The following CAMSAP3 variants were observed in gnomAD, a reference collection of about 807,000 sequenced individuals.
CAMSAP3 encodes the protein calmodulin regulated spectrin associated protein family member 3.
Under a neutral mutation model 112.5 loss-of-function variants are expected in CAMSAP3, and 34 were observed. The observed-to-expected ratio is 0.30, with a 90% CI of 0.23 to 0.40. The LOEUF (loss-of-function observed/expected upper bound fraction) is 0.40. Among genes scored for constraint, CAMSAP3 ranks in the 10% least tolerant of loss-of-function variants. The pLI, the probability that CAMSAP3 is intolerant of heterozygous loss-of-function variation, is 1.00. For missense variants in CAMSAP3, 1,602 were observed against 1,770.3 expected, an observed-to-expected ratio of 0.90 and a Z score of 1.71; for synonymous variants, 868 against 799.8, an observed-to-expected ratio of 1.09 and a Z score of -1.44.
rs2030230145 is a variant in CAMSAP3, at chr19:7,606,491, CAGG to C, written c.544_546del (p.Glu182del). 1 of 1,582,020 alleles carries C rather than the reference CAGG, an allele frequency of 6.3e-7. No individual in the cohort carries two copies. The highest frequency in any genetic ancestry group is 8.5e-7 in the Non-Finnish European group (1 of 1,171,012). ...TGCCCTCCAGACCGTCCGGCGGCTG[CAGG>C]AGAAGACCGAGCAGGAAGCGGCCCA... On this transcript the variant is annotated inframe_deletion, in exon 4 of 17. Coordinates refer to ENST00000160298, the MANE Select transcript of CAMSAP3 (RefSeq NM_020902.2).
Position 7,599,344 on chromosome 19 carries a change from TCATCCATCCACC to T in CAMSAP3, c.148+3209_148+3220del, listed in dbSNP as rs1160872185. Among the ~76,000 whole-genome samples, 64 of 72,850 alleles carry T rather than the reference TCATCCATCCACC, an allele frequency of 8.8e-4. 1 individual carries two copies. The highest frequency in any genetic ancestry group is 3.1e-3 in the African/African-American group (56 of 18,118). 47.8% of individuals were successfully genotyped at this position (72,850 alleles called of 152,430 possible). A position where few individuals can be genotyped will look rare whatever the true frequency, so the allele number is the denominator to read the frequency against. On this transcript the variant is annotated intron_variant, in intron 1 of 16. Transcript: ENST00000160298. ...CCCACTCATCCATCCACCCACGCACTCATCCATCCACCCATCCATCCACCCACTCATCCATCC... is the reference window on the plus strand; with the variant it reads ...CCCACTCATCCATCCACCCACGCACTCATCCATCCACCCACTCATCCATCC...
In CAMSAP3 at chr19:7,612,261, C is replaced by G; in HGVS notation, c.1768C>G (p.Pro590Ala). Reference sequence around the variant, plus strand: ...CGGAGCGGGGTCCCCCACGTCCACTCCGGCCCCGCCGGAGGCCCTGAGCTC... The same window carrying G: ...CGGAGCGGGGTCCCCCACGTCCACTGCGGCCCCGCCGGAGGCCCTGAGCTC... ...EAGAGSPTST[P>A]APPEALSSEM... Residue 590 changes from proline to alanine, a missense_variant, in exon 11 of 17, where the codon CCG becomes GCG. Pro to Ala is a conservative substitution (Grantham distance 27). Coordinates refer to ENST00000160298, the MANE Select transcript of CAMSAP3 (RefSeq NM_020902.2). 6.3e-7 allele frequency: 1 copy of G among 1,590,868 alleles called. No homozygotes were observed. Among genetic ancestry groups the G allele is most frequent in the African/African-American group, 1.3e-5 (1 of 74,514 alleles).
chr19:7,601,733 A>AAAAT (rs1239645438), intron 1 of CAMSAP3, among the ~76,000 whole-genome samples: 69 of 150,224 alleles, frequency 4.6e-4, no homozygotes, highest in African/African-American at 1.7e-3. Flanking sequence ...AAAATAAAAT[A>AAAAT]AAATAAAATA....
At chr19:7,605,889 T>C (rs957701882) in intron 2 of CAMSAP3, among the ~76,000 whole-genome samples, 1 of 150,532 alleles carries the variant, frequency 6.6e-6, no homozygotes, top group Non-Finnish European at 1.5e-5. Flanking sequence ...CCTCAAGCTC[T>C]GTTCATTAAG....
At position 7,596,167 on chromosome 19, in the gene CAMSAP3, G is replaced by T; in HGVS notation, c.148+17G>T. 1.2e-6 allele frequency: 1 copy of T among 844,362 alleles called. No homozygotes were observed. The allele number at this position is 844,362 out of a possible 1,614,324, so 52.3% of individuals were successfully genotyped here. A position where few individuals can be genotyped will look rare whatever the true frequency, so the allele number is the denominator to read the frequency against. On this transcript the variant is annotated intron_variant, in intron 1 of 16. Coordinates refer to ENST00000160298, the MANE Select transcript of CAMSAP3 (RefSeq NM_020902.2). ...GGGGCGCAGGTACCGGGGCTCGGGG[G>T]ACCGGGGTCGGGGGCGGCGGGCCGG...
Position 7,611,820 on chromosome 19 carries a change from G to T in CAMSAP3, c.1327G>T (p.Ala443Ser), listed in dbSNP as rs1182453955. 4 of 1,589,780 alleles carry T rather than the reference G, an allele frequency of 2.5e-6. No individual in the cohort carries two copies. Among genetic ancestry groups the T allele is most frequent in the Non-Finnish European group, 3.4e-6 (4 of 1,168,604 alleles). The change falls in exon 11 of 17, where the codon GCC (alanine) becomes TCC (serine). Residue 443 changes from alanine (A) to serine (S), a missense_variant. Around this residue, in one of 6 missense-constraint regions of CAMSAP3, gnomAD observed 1,100 missense variants for 1,135.7 expected, o/e 0.97. Transcript: ENST00000160298. This position sits in a 1 kb window ranked among gnomAD's most constrained non-coding sequence, Gnocchi z 6.9. Reference sequence around the variant, plus strand: ...CCTGGGCCCCCCGCGTCCCGCGCCGGCCAGGACCCCCACCCAGCCACCCCC... The same window carrying T: ...CCTGGGCCCCCCGCGTCCCGCGCCGTCCAGGACCCCCACCCAGCCACCCCC... ...DSLGPPRPAP[A>S]RTPTQPPPEP... is the part of the protein sequence containing the mutation.
intron 11 of CAMSAP3, among the ~76,000 whole-genome samples, chr19:7,614,284 G>A (rs2030662227): frequency 5.1e-4 from 55 of 108,150 alleles, no homozygotes; most frequent in Non-Finnish European, 8.6e-4. Context: ...AAAAAAAAAA[G>A]TGAGCACAGC....
intron 11 of CAMSAP3, 119 bp downstream of exon 11, chr19:7,613,282 C>A: frequency 2.7e-5 from 1 of 37,056 alleles, no homozygotes; most frequent in African/African-American, 7.1e-4. Context: ...GATGGGTGGG[C>A]GGGTGGGGGA....
chr19:7,612,572 C>T lies in CAMSAP3; in HGVS notation c.2079C>T (p.His693=), dbSNP rs778095328. The change falls in exon 11 of 17, where the codon CAC becomes CAT. Residue 693 remains histidine (H), a synonymous_variant. Coordinates refer to ENST00000160298, the MANE Select transcript of CAMSAP3 (RefSeq NM_020902.2). ...CGCCAGACCTGGGCCCGGTGCCCCA[C>T]GAGGGGCTGGGGGAATACAATCGAG... ...TFSPDLGPVP[H]EGLGEYNRAV... The T allele has an allele frequency of 1.8e-5, 28 of 1,534,618 alleles. No individual in the cohort carries two copies. The highest frequency in any genetic ancestry group is 2.3e-5 in the Non-Finnish European group (26 of 1,145,330).
Position 7,607,023 on chromosome 19 carries a change from C to G in CAMSAP3, c.621+452C>G, listed in dbSNP as rs1320454744. On this transcript the variant is annotated intron_variant, in intron 4 of 16. Transcript: ENST00000160298. The surrounding 1 kb of genome is among the most constrained non-coding windows in gnomAD (Gnocchi z 4.9). The stretch of plus-strand genomic sequence containing the variant: ...GGCCATTAACTGAGAGGGCAGACCC[C>G]TCCCCCAGCGAACTGATGGGTGGGG... Among the ~76,000 whole-genome samples the G allele has an allele frequency of 2.6e-5, 4 of 152,104 alleles. No homozygotes were observed. Among genetic ancestry groups the G allele is most frequent in the African/African-American group, 7.2e-5 (3 of 41,432 alleles).
chr19:7,604,998 G>A (rs2030132059), intron 1 of CAMSAP3, among the ~76,000 whole-genome samples: 1 of 152,034 alleles, frequency 6.6e-6, no homozygotes, highest in Non-Finnish European at 1.5e-5. Context: ...CACCTGCTGG[G>A]CTTTGCATCT....
At position 7,612,063 on chromosome 19, in the gene CAMSAP3, G is replaced by A. The variant is rs775895825; in HGVS notation, c.1570G>A (p.Glu524Lys). ...TKAPVYMPHPETPSKPSPCLV... is the reference protein window; with the variant it reads ...TKAPVYMPHPKTPSKPSPCLV... ...AGCACCAGTGTACATGCCACACCCC[G>A]AGACCCCCTCGAAACCATCTCCCTG... is the stretch of plus-strand genomic sequence containing the variant. The change falls in exon 11 of 17, where the codon GAG (glutamate) becomes AAG (lysine). Residue 524 changes from glutamate to lysine, a missense_variant. Transcript: ENST00000160298. 11 of 1,610,176 alleles carry A rather than the reference G, an allele frequency of 6.8e-6. No individual in the cohort carries two copies. The East Asian group carries it at 8.9e-5, about 13-fold the overall frequency.
chr19:7,604,587 C>T (rs2030110446), intron 1 of CAMSAP3, among the ~76,000 whole-genome samples: 1 of 152,144 alleles, frequency 6.6e-6, no homozygotes, highest in Admixed American at 6.5e-5. Flanking sequence ...TCAACTCCCT[C>T]GATGTGCCTG....
Position 7,615,237 on chromosome 19 carries a change from C to T in CAMSAP3, c.2725C>T (p.Arg909Trp), listed in dbSNP as rs1207269986. ...MAQKRASLLE[R>W]QQRRAEEARR... ...CCAAAAGCGGGCCAGCCTGCTGGAG[C>T]GGCAGCAGCGGCGAGCAGAGGAGGC... Residue 909 changes from arginine (R) to tryptophan (W), a missense_variant, in exon 12 of 17, where the codon CGG becomes TGG. Arg to Trp is a moderately radical substitution (Grantham distance 101). This residue lies in a region of CAMSAP3 where 1,100 missense variants were observed against 1,135.7 expected (regional missense o/e 0.97). Coordinates refer to ENST00000160298, the MANE Select transcript of CAMSAP3 (RefSeq NM_020902.2). The surrounding 1 kb of genome is among the most constrained non-coding windows in gnomAD (Gnocchi z 6.5). 6.4e-7 allele frequency: 1 copy of T among 1,551,530 alleles called. No homozygotes were observed. The highest frequency in any genetic ancestry group is 8.7e-7 in the Non-Finnish European group (1 of 1,147,702).
chr19:7,606,919 C>T (rs2030256388), intron 4 of CAMSAP3: 1 of 1,212,510 alleles, frequency 8.2e-7, no homozygotes, highest in Non-Finnish European at 1.2e-6. Context: ...CCTCCCCAAG[C>T]TGTGAGCAAA....
intron 1 of CAMSAP3, among the ~76,000 whole-genome samples, chr19:7,603,721 G>T (rs976478873): frequency 6.6e-6 from 1 of 152,054 alleles, no homozygotes; most frequent in African/African-American, 2.4e-5. Flanking sequence ...GTGGTGGCAC[G>T]TGCCTGCGGT....
chr19:7,613,987 C>T (rs530846088), intron 11 of CAMSAP3, among the ~76,000 whole-genome samples: 5 of 152,210 alleles, frequency 3.3e-5, no homozygotes, highest in Admixed American at 6.5e-5. Context: ...GGTGGCCGGG[C>T]GCAGTGGCTC....
In CAMSAP3 at chr19:7,607,486, C is replaced by T. The variant is rs890300428; in HGVS notation, c.622-640C>T. On this transcript the variant is annotated intron_variant, in intron 4 of 16. Transcript: ENST00000160298. This position sits in a 1 kb window ranked among gnomAD's most constrained non-coding sequence, Gnocchi z 4.9. ...GTGGGGGAGGTTTTGGGCTGGCTGG[C>T]GTCCCCACCTTTGCTCACTCCTTCC... Among the ~76,000 whole-genome samples the T allele has an allele frequency of 6.6e-6, 1 of 152,158 alleles. No homozygotes were observed. Among genetic ancestry groups the T allele is most frequent in the African/African-American group, 2.4e-5 (1 of 41,428 alleles).
In CAMSAP3 at chr19:7,610,889, G is replaced by T. The variant is rs764938933; in HGVS notation, c.1007G>T (p.Arg336Leu). The change falls in exon 8 of 17, where the codon CGG (arginine) becomes CTG (leucine). Residue 336 changes from arginine to leucine, a missense_variant. By Grantham distance (102) the Arg-to-Leu change is moderately radical. Around this residue, in one of 6 missense-constraint regions of CAMSAP3, gnomAD observed 1,100 missense variants for 1,135.7 expected, o/e 0.97. Transcript: ENST00000160298. The surrounding 1 kb of genome is among the most constrained non-coding windows in gnomAD (Gnocchi z 4.9). ...CTCTGTACTGCAGCTGCCTCCCCCCGGGGCACTGAGGCCTCCCCACCTCAG... is the reference window on the plus strand; with the variant it reads ...CTCTGTACTGCAGCTGCCTCCCCCCTGGGCACTGAGGCCTCCCCACCTCAG... ...DLPDGHAASP[R>L]GTEASPPQNN... The T allele has an allele frequency of 1.9e-6, 3 of 1,593,942 alleles. No individual in the cohort carries two copies. The highest frequency in any genetic ancestry group is 2.1e-4 in the Middle Eastern group (1 of 4,790).
Sources: allele counts gnomAD v4.1 joint callset (sites outside exome capture counted in the v4.1 genomes callset), GRCh38; gene constraint gnomAD v4.1.1; regional missense constraint gnomAD v4.1.1; non-coding constraint Gnocchi (gnomAD v3.1); transcripts MANE v1.5; gene names NCBI Gene and HGNC (gene_info 2026-07-23, HGNC 2026-07-21).